KCNJ6: variants seen among roughly 807,000 people sequenced by gnomAD.
KCNJ6 encodes the protein G protein-activated inward rectifier potassium channel 2.
A neutral mutation model predicts 34.2 loss-of-function variants in KCNJ6; 9 were observed. The ratio of observed to expected loss-of-function variants is 0.26; its 90% CI spans 0.16 to 0.46. KCNJ6 has a LOEUF of 0.46. KCNJ6 is among the 20% of genes least tolerant of loss of function. The probability of loss-of-function intolerance (pLI) is 1.00; values close to 1 mark genes in which losing one functional copy is unlikely to be tolerated. For synonymous variants in KCNJ6, 196 were observed against 207.1 expected (o/e 0.95, Z 0.46); for missense variants, 236 against 531.3 (o/e 0.44, Z 5.46).
At chr21:37,821,627 A>G (rs1376980106) in intron 2 of KCNJ6, among the ~76,000 whole-genome samples, 2 of 152,116 alleles carry the variant, frequency 1.3e-5, no homozygotes, top group East Asian at 3.8e-4. Flanking sequence ...TTTAAATGAA[A>G]TCTTTGTTAT....
intron 2 of KCNJ6, among the ~76,000 whole-genome samples, chr21:37,776,864 A>C (rs2055145195): frequency 2.0e-5 from 3 of 152,238 alleles, no homozygotes; most frequent in Admixed American, 6.5e-5. Context: ...TGGCCTCATA[A>C]AATGAGTTAG....
chr21:37,783,639 C>T (rs1461158162), intron 2 of KCNJ6, among the ~76,000 whole-genome samples: 2 of 152,190 alleles, frequency 1.3e-5, no homozygotes, highest in Non-Finnish European at 2.9e-5. Flanking sequence ...ACCTGGAATT[C>T]TGTAATCTCT....
At chr21:37,720,360 G>GTAAC (rs1382598570) in intron 2 of KCNJ6, among the ~76,000 whole-genome samples, 1 of 152,116 alleles carries the variant, frequency 6.6e-6, no homozygotes, top group African/African-American at 2.4e-5. Context: ...CAAGAAAATC[G>GTAAC]TAACTAAACC....
intron 1 of KCNJ6, among the ~76,000 whole-genome samples, chr21:37,882,572 G>A (rs1157482495): frequency 6.6e-6 from 1 of 152,138 alleles, no homozygotes; most frequent in Non-Finnish European, 1.5e-5. Flanking sequence ...AGGCAGACAG[G>A]TATAACTATG....
intron 2 of KCNJ6, among the ~76,000 whole-genome samples, chr21:37,820,540 G>A (rs889210385): frequency 2.6e-5 from 4 of 152,198 alleles, no homozygotes; most frequent in African/African-American, 7.2e-5. Context: ...GCAGCACATC[G>A]GGGATCCTAG....
At chr21:37,816,073 C>A (rs2055345349) in intron 2 of KCNJ6, among the ~76,000 whole-genome samples, 1 of 152,198 alleles carries the variant, frequency 6.6e-6, no homozygotes, top group African/African-American at 2.4e-5. Flanking sequence ...CTGAAGGGAA[C>A]CAAGCTCTGA....
At chr21:37,768,059 AAT>A (rs543605305) in intron 2 of KCNJ6, among the ~76,000 whole-genome samples, 4 of 152,058 alleles carry the variant, frequency 2.6e-5, no homozygotes, top group Admixed American at 2.6e-4. Context: ...TTTAAATTAA[AAT>A]ACTGTAGGTG....
At chr21:37,910,494 A>G (rs1415056315) in intron 1 of KCNJ6, among the ~76,000 whole-genome samples, 1 of 152,260 alleles carries the variant, frequency 6.6e-6, no homozygotes, top group Non-Finnish European at 1.5e-5. Flanking sequence ...CACATTGCAT[A>G]TAATACCTTC....
At chr21:37,852,081 T>A (rs1455893882) in intron 1 of KCNJ6, among the ~76,000 whole-genome samples, 1 of 152,134 alleles carries the variant, frequency 6.6e-6, no homozygotes, top group Non-Finnish European at 1.5e-5. Context: ...CCAAACATTA[T>A]AGAAAAAACA....
At position 37,846,033 on chromosome 21, in the gene KCNJ6, A is replaced by C. The variant is rs1276491788; in HGVS notation, c.-27-5324T>G. 2.0e-5 allele frequency among the ~76,000 whole-genome samples: 3 copies of C among 152,302 alleles called. No homozygotes were observed. The East Asian group carries it at 5.8e-4, about 29-fold the overall frequency. ...ACATGTTCACAGATGCTGAAAAAAA[A>C]ACAACGTTAAGTGTCTTGTTTAAAT... On this transcript the variant is annotated intron_variant, in intron 1 of 3. Coordinates refer to ENST00000609713, the MANE Select transcript of KCNJ6 (RefSeq NM_002240.5).
intron 3 of KCNJ6, among the ~76,000 whole-genome samples, chr21:37,655,243 G>A (rs1247326712): frequency 0.1 from 1,673 of 16,756 alleles, 67 homozygotes; most frequent in African/African-American, 0.22. Context: ...GAGAGAGAGA[G>A]AGAGAGAGAG....
intron 2 of KCNJ6, among the ~76,000 whole-genome samples, chr21:37,764,586 C>G (rs1350928877): frequency 6.6e-6 from 1 of 152,032 alleles, no homozygotes; most frequent in Non-Finnish European, 1.5e-5. Flanking sequence ...GCCATGTTGG[C>G]CAGGCTGGTC....
At chr21:37,910,654 A>G (rs2055862922) in intron 1 of KCNJ6, among the ~76,000 whole-genome samples, 1 of 152,222 alleles carries the variant, frequency 6.6e-6, no homozygotes, top group African/African-American at 2.4e-5. Context: ...GCCAAAATCT[A>G]TTCACTAAAA....
At chr21:37,865,283 C>T (rs1475832025) in intron 1 of KCNJ6, among the ~76,000 whole-genome samples, 1 of 152,200 alleles carries the variant, frequency 6.6e-6, no homozygotes, top group Admixed American at 6.5e-5. Context: ...CTCTACTTCA[C>T]TTGATACGAA....
At chr21:37,644,949 T>TG (rs78617317) in intron 3 of KCNJ6, among the ~76,000 whole-genome samples, 23,233 of 150,382 alleles carry the variant, frequency 0.15, 2,915 homozygotes, top group African/African-American at 0.34. Flanking sequence ...GCCCTTCTCA[T>TG]GGGGAGGAGG....
At chr21:37,738,565 C>A (rs573932669) in intron 2 of KCNJ6, among the ~76,000 whole-genome samples, 1 of 152,228 alleles carries the variant, frequency 6.6e-6, no homozygotes, top group African/African-American at 2.4e-5. Context: ...TCAACATTTG[C>A]GAATGATGTG....
Position 37,697,763 on chromosome 21 carries a change from G to A in KCNJ6, c.946+16448C>T, listed in dbSNP as rs576595801. 5.3e-5 allele frequency among the ~76,000 whole-genome samples: 8 copies of A among 152,256 alleles called. No homozygotes were observed. In the South Asian group the frequency reaches 1.7e-3, roughly 32 times the overall value. On this transcript the variant is annotated intron_variant, in intron 3 of 3. Coordinates refer to ENST00000609713, the MANE Select transcript of KCNJ6 (RefSeq NM_002240.5). ...TCTGCATAGACAGTGTTCCACAATCGCCTGAGAGAGGATAAGGTTGTGTGG... is the reference window on the plus strand; with the variant it reads ...TCTGCATAGACAGTGTTCCACAATCACCTGAGAGAGGATAAGGTTGTGTGG...
intron 3 of KCNJ6, among the ~76,000 whole-genome samples, chr21:37,674,480 C>T (rs2054555574): frequency 6.9e-6 from 1 of 145,936 alleles, no homozygotes; most frequent in Non-Finnish European, 1.5e-5. Context: ...TGTGACCTCA[C>T]TCGCCTCCTC....
At chr21:37,661,772 G>T (rs796678053) in intron 3 of KCNJ6, among the ~76,000 whole-genome samples, 2 of 146,700 alleles carry the variant, frequency 1.4e-5, no homozygotes, top group African/African-American at 5.1e-5. Flanking sequence ...ACAGGCGCCG[G>T]CCACCATGCC....
Sources: gnomAD v4.1 joint callset for allele counts (sites outside exome capture counted in the v4.1 genomes callset) on GRCh38, gnomAD v4.1.1 for gene constraint, MANE v1.5 for transcripts, NCBI Gene and HGNC (gene_info 2026-07-23, HGNC 2026-07-21) for gene names.